PLXNA4: variants seen among roughly 807,000 people sequenced by gnomAD.
PLXNA4 encodes the protein plexin A4, also known as plexin-A4.
Under a neutral mutation model 191.8 loss-of-function variants are expected in PLXNA4, and 44 were observed. The observed-to-expected ratio is 0.23, with a 90% confidence interval of 0.18 to 0.29. The LOEUF (loss-of-function observed/expected upper bound fraction) is 0.29. Ranked by LOEUF, PLXNA4 falls within the 10% of genes least tolerant of loss-of-function variation. The probability of loss-of-function intolerance (pLI) is 1.00; values close to 1 mark genes in which losing one functional copy is unlikely to be tolerated. For synonymous variants in PLXNA4, 1,082 were observed against 1,009.5 expected, an observed-to-expected ratio of 1.07 and a Z score of -1.36; for missense variants, 1,800 against 2,488.8, an observed-to-expected ratio of 0.72 and a Z score of 5.89.
At chr7:132,461,994 T>A (rs1430398218) in intron 3 of PLXNA4, among the ~76,000 whole-genome samples, 2 of 152,242 alleles carry the variant, frequency 1.3e-5, no homozygotes, top group East Asian at 3.8e-4. Context: ...CTATTAAAGT[T>A]GTCCAAATAC....
intron 8 of PLXNA4, among the ~76,000 whole-genome samples, chr7:132,225,560 T>G (rs1798288623): frequency 6.6e-6 from 1 of 151,938 alleles, no homozygotes; most frequent in Admixed American, 6.6e-5. Context: ...GTTGGATACT[T>G]AAGTCAAACA....
chr7:132,528,636 C>T (rs988514168), intron 1 of PLXNA4, among the ~76,000 whole-genome samples: 1 of 152,170 alleles, frequency 6.6e-6, no homozygotes, highest in Non-Finnish European at 1.5e-5. Context: ...AAAAGAGACT[C>T]ATGTGAGGGA....
At chr7:132,319,628 C>T (rs1031079705) in intron 3 of PLXNA4, among the ~76,000 whole-genome samples, 1 of 152,254 alleles carries the variant, frequency 6.6e-6, no homozygotes, top group Non-Finnish European at 1.5e-5. Context: ...AGTTTTGGCT[C>T]TGCATTCTTA....
At chr7:132,615,165 G>A (rs1803126786) in intron 2 of PLXNA4, among the ~76,000 whole-genome samples, 1 of 152,334 alleles carries the variant, frequency 6.6e-6, no homozygotes, top group Middle Eastern at 3.4e-3. Flanking sequence ...GGGAAGGGAG[G>A]AATCTGGGAG....
At chr7:132,368,805 G>A (rs1468503254) in intron 3 of PLXNA4, among the ~76,000 whole-genome samples, 3 of 152,202 alleles carry the variant, frequency 2.0e-5, no homozygotes, top group Non-Finnish European at 4.4e-5. Flanking sequence ...TGGTTGCCAG[G>A]TGAAATTTGC....
intron 4 of PLXNA4, among the ~76,000 whole-genome samples, chr7:132,262,434 T>C (rs1799681456): frequency 6.6e-6 from 1 of 152,136 alleles, no homozygotes; most frequent in South Asian, 2.1e-4. Flanking sequence ...GTGGACCCCT[T>C]GACAGCAAAC....
At chr7:132,454,534 C>T (rs1288203286) in intron 3 of PLXNA4, among the ~76,000 whole-genome samples, 1 of 151,996 alleles carries the variant, frequency 6.6e-6, no homozygotes, top group African/African-American at 2.4e-5. Context: ...TTGTTCTGAG[C>T]TGAAGTGCGC....
chr7:132,316,983 T>C (rs575980315), intron 3 of PLXNA4, among the ~76,000 whole-genome samples: 3 of 151,818 alleles, frequency 2.0e-5, no homozygotes, highest in Admixed American at 6.6e-5. Context: ...TGTTGTGTTG[T>C]ATTGGATTGG....
chr7:132,514,074 C>T (rs1798844154), intron 1 of PLXNA4, among the ~76,000 whole-genome samples: 1 of 146,654 alleles, frequency 6.8e-6, no homozygotes, highest in African/African-American at 2.5e-5. Flanking sequence ...TTTTTTGAGA[C>T]AGAGTCTCAC....
chr7:132,259,000 T>A (rs1359251864), intron 4 of PLXNA4, among the ~76,000 whole-genome samples: 3 of 152,240 alleles, frequency 2.0e-5, no homozygotes, highest in African/African-American at 7.2e-5. Context: ...ACTGTTGCCC[T>A]AATTTATTGC....
At chr7:132,289,538 TA>T (rs1034583141) in intron 4 of PLXNA4, among the ~76,000 whole-genome samples, 5 of 152,128 alleles carry the variant, frequency 3.3e-5, no homozygotes, top group Admixed American at 6.6e-5. Context: ...TATTTTTATT[TA>T]TTTTTTTTTT....
intron 1 of PLXNA4, among the ~76,000 whole-genome samples, chr7:132,646,493 T>C (rs1187991711): frequency 1.3e-5 from 2 of 151,982 alleles, no homozygotes; most frequent in African/African-American, 2.4e-5. Flanking sequence ...GACAGCAGGG[T>C]CCCAGTGATG....
chr7:132,365,702 G>A (rs1804151128), intron 3 of PLXNA4, among the ~76,000 whole-genome samples: 1 of 152,220 alleles, frequency 6.6e-6, no homozygotes, highest in South Asian at 2.1e-4. Flanking sequence ...ACAGGCATCA[G>A]CAAGTAAATC....
chr7:132,616,664 T>C (rs1803161693), intron 2 of PLXNA4, among the ~76,000 whole-genome samples: 1 of 152,218 alleles, frequency 6.6e-6, no homozygotes, highest in South Asian at 2.1e-4. Context: ...ACTCAAAATA[T>C]AGAAACTGTA....
chr7:132,432,156 G>A (rs1189152857), intron 3 of PLXNA4, among the ~76,000 whole-genome samples: 3 of 152,124 alleles, frequency 2.0e-5, no homozygotes, highest in African/African-American at 7.2e-5. Flanking sequence ...AAGAAGCTGG[G>A]TATCCCATCC....
At chr7:132,426,270 C>T (rs1007041222) in intron 3 of PLXNA4, among the ~76,000 whole-genome samples, 14 of 152,248 alleles carry the variant, frequency 9.2e-5, no homozygotes, top group African/African-American at 2.9e-4. Context: ...GGTGATGACC[C>T]AGTAGAGCGG....
intron 1 of PLXNA4, among the ~76,000 whole-genome samples, chr7:132,540,541 G>GAGAGCAGA (rs893065434): frequency 4.2e-5 from 6 of 143,358 alleles, no homozygotes; most frequent in Non-Finnish European, 7.6e-5. Context: ...GTTGGCTCAA[G>GAGAGCAGA]AGAGCAGAAG....
At chr7:132,368,722 A>G (rs1804298981) in intron 3 of PLXNA4, among the ~76,000 whole-genome samples, 1 of 152,186 alleles carries the variant, frequency 6.6e-6, no homozygotes, top group African/African-American at 2.4e-5. Flanking sequence ...GCTGAGAAGA[A>G]CTGACAAGCA....
chr7:132,587,012 C>T (rs772643246), intron 2 of PLXNA4, among the ~76,000 whole-genome samples: 4 of 152,138 alleles, frequency 2.6e-5, no homozygotes, highest in Non-Finnish European at 5.9e-5. Context: ...TCAATGGGAT[C>T]GTAAGCTGTA....
Sources: gnomAD v4.1 joint callset for allele counts (sites outside exome capture counted in the v4.1 genomes callset) on GRCh38, gnomAD v4.1.1 for gene constraint, MANE v1.5 for transcripts, NCBI Gene and HGNC (gene_info 2026-07-23, HGNC 2026-07-21) for gene names.